CLIP4: variants seen among roughly 807,000 people sequenced by gnomAD.
The protein encoded by CLIP4 is CAP-Gly domain-containing linker protein 4.
A neutral mutation model predicts 73.1 loss-of-function variants in CLIP4; 47 were observed. The ratio of observed to expected loss-of-function variants is 0.64; its 90% CI spans 0.51 to 0.82. The LOEUF (loss-of-function observed/expected upper bound fraction) is 0.82. Among genes scored for constraint, CLIP4 ranks in the 40% least tolerant of loss-of-function variants. CLIP4 has a pLI of 0.00. For synonymous variants in CLIP4, 306 were observed against 295.4 expected (o/e 1.04, Z -0.37); for missense variants, 874 against 852.9 (o/e 1.02, Z -0.31).
chr2:29,168,165 C>A (rs1189981676), intron 14 of CLIP4, among the ~76,000 whole-genome samples: 1 of 152,188 alleles, frequency 6.6e-6, no homozygotes, highest in East Asian at 1.9e-4. Context: ...CTTTGCCTAT[C>A]TGAAGGGCTT....
chr2:29,140,569 A>G (rs1203256136), intron 6 of CLIP4, among the ~76,000 whole-genome samples: 1 of 152,150 alleles, frequency 6.6e-6, no homozygotes, highest in African/African-American at 2.4e-5. Context: ...TAGCAGCATG[A>G]TTTATAGTCC....
chr2:29,162,105 A>G (rs998757438), intron 12 of CLIP4, among the ~76,000 whole-genome samples: 5 of 152,146 alleles, frequency 3.3e-5, no homozygotes, highest in African/African-American at 7.2e-5. Flanking sequence ...TACAATTACT[A>G]TTTGTCTTTT....
Position 29,143,872 on chromosome 2 carries a change from A to G in CLIP4, c.812A>G (p.His271Arg), listed in dbSNP as rs755905179. Residue 271 changes from histidine (H) to arginine (R), a missense_variant, in exon 7 of 16, where the codon CAT becomes CGT. His to Arg is a conservative substitution (Grantham distance 29). Transcript: ENST00000320081. The part of the protein sequence containing the change: ...ISKAMLPNYD[H>R]VTGKAMLTSL... Reference sequence around the variant, plus strand: ...AAGGCCATGCTCCCAAATTATGATCATGTCACTGGCAAGGCAATGCTTACG... The same window carrying G: ...AAGGCCATGCTCCCAAATTATGATCGTGTCACTGGCAAGGCAATGCTTACG... 1.8e-5 allele frequency: 29 copies of G among 1,614,022 alleles called. No individual in the cohort carries two copies. The highest frequency in any genetic ancestry group is 3.3e-5 in the Admixed American group (2 of 60,000).
Position 29,182,138 on chromosome 2 carries a change from C to T in CLIP4, c.*245C>T, listed in dbSNP as rs1366665613. ...TAAAGCTTTAGGTTCCAAGAAGATTCTGGGACTCAGGAAGAAAAAGTGCCA... is the reference window on the plus strand; with the variant it reads ...TAAAGCTTTAGGTTCCAAGAAGATTTTGGGACTCAGGAAGAAAAAGTGCCA... On this transcript the variant is annotated 3_prime_UTR_variant, in exon 16 of 16. Transcript: ENST00000320081. 3.3e-6 allele frequency: 1 copy of T among 304,944 alleles called. No homozygotes were observed. The highest frequency in any genetic ancestry group is 6.0e-6 in the Non-Finnish European group (1 of 167,818). The allele number at this position is 304,944 out of a possible 1,614,324, so 18.9% of individuals were successfully genotyped here.
chr2:29,131,133 C>T (rs1664940207), intron 2 of CLIP4, 125 bp from the exon 3 acceptor site: 3 of 956,820 alleles, frequency 3.1e-6, no homozygotes, highest in Non-Finnish European at 4.5e-6. Flanking sequence ...TATTTAGATA[C>T]TTCTGATTTT....
intron 12 of CLIP4, among the ~76,000 whole-genome samples, chr2:29,161,004 C>T (rs935192626): frequency 7.3e-5 from 11 of 151,544 alleles, no homozygotes; most frequent in Non-Finnish European, 1.5e-4. Context: ...GACGGAGCTT[C>T]GCTCTTGTTG....
In CLIP4 at chr2:29,115,502, C is replaced by G. The variant is rs1230484387; in HGVS notation, c.-179C>G. On this transcript the variant is annotated 5_prime_UTR_variant, in exon 1 of 16. Coordinates refer to ENST00000320081, the MANE Select transcript of CLIP4 (RefSeq NM_024692.6). The surrounding 1 kb of genome is among the most constrained non-coding windows in gnomAD (Gnocchi z 5.1). ...GCCTGCACTGCGCGCGCGCCCACCC[C>G]GCGTGGGAGGCAGCGGGAGGGGCCC... 2 of 148,206 alleles carry G rather than the reference C, an allele frequency of 1.3e-5. No homozygotes were observed. The highest frequency in any genetic ancestry group is 3.0e-5 in the Non-Finnish European group (2 of 66,464). 9.2% of individuals were successfully genotyped at this position (148,206 alleles called of 1,614,324 possible).
chr2:29,174,589 A>C, intron 15 of CLIP4, 144 bp downstream of exon 15: 1 of 1,382,400 alleles, frequency 7.2e-7, no homozygotes, highest in Non-Finnish European at 9.3e-7. Flanking sequence ...AAGTGTATTG[A>C]GAAGCGTTCT....
At chr2:29,156,238 A>G (rs1170647506) in intron 9 of CLIP4, 116 bp from the exon 10 acceptor site, 5 of 645,502 alleles carry the variant, frequency 7.7e-6, no homozygotes, top group African/African-American at 1.9e-5. Context: ...TTGTTATCCA[A>G]TATGTTTTCA....
intron 2 of CLIP4, among the ~76,000 whole-genome samples, chr2:29,122,245 T>G (rs1441606243): frequency 2.6e-5 from 4 of 151,850 alleles, no homozygotes; most frequent in African/African-American, 9.7e-5. Context: ...AGTTTCTTTT[T>G]TTTTTTTTTT....
chr2:29,181,546 T>G, intron 15 of CLIP4, 26 bp from the exon 16 acceptor site: 2 of 1,528,868 alleles, frequency 1.3e-6, no homozygotes, highest in Admixed American at 2.1e-5. Context: ...ACTAAATAAT[T>G]TTTCCCACTT....
At chr2:29,112,103 C>T (rs1011422621), upstream of CLIP4, among the ~76,000 whole-genome samples, 4 of 152,178 alleles carry the variant, frequency 2.6e-5, no homozygotes, top group African/African-American at 9.7e-5. Flanking sequence ...CTCCTGAGTT[C>T]TTCATTCTGT....
Position 29,182,116 on chromosome 2 carries a change from A to G in CLIP4, c.*223A>G. ...AATTTTCAAAATAAGTACCAATTAAAGCTTTAGGTTCCAAGAAGATTCTGG... is the reference window on the plus strand; with the variant it reads ...AATTTTCAAAATAAGTACCAATTAAGGCTTTAGGTTCCAAGAAGATTCTGG... On this transcript the variant is annotated 3_prime_UTR_variant, in exon 16 of 16. Transcript: ENST00000320081. 2.8e-6 allele frequency: 1 copy of G among 354,574 alleles called. No individual in the cohort carries two copies. Among genetic ancestry groups the G allele is most frequent in the Non-Finnish European group, 5.0e-6 (1 of 200,022 alleles). The allele number at this position is 354,574 out of a possible 1,614,324, so 22.0% of individuals were successfully genotyped here. A position where few individuals can be genotyped will look rare whatever the true frequency, so the allele number is the denominator to read the frequency against.
chr2:29,119,303 T>G (rs193070585), intron 1 of CLIP4, among the ~76,000 whole-genome samples: 19 of 152,324 alleles, frequency 1.2e-4, no homozygotes, highest in African/African-American at 4.1e-4. Flanking sequence ...GCTCCTGTGG[T>G]GACTGCTAGT....
rs762590104 is a variant in CLIP4, at chr2:29,153,710, C to T, written c.1165+882C>T. Among the ~76,000 whole-genome samples the T allele has an allele frequency of 1.1e-4, 17 of 152,302 alleles. No homozygotes were observed. In the South Asian group the frequency reaches 3.1e-3, roughly 28 times the overall value. On this transcript the variant is annotated intron_variant, in intron 9 of 15. Coordinates refer to ENST00000320081, the MANE Select transcript of CLIP4 (RefSeq NM_024692.6). ...TTGTAAATAGTTGAGGTAGAAAGCT[C>T]TCTACCAGGATGAAAGGAATTTGTC...
intron 12 of CLIP4, among the ~76,000 whole-genome samples, chr2:29,163,360 CCTT>C (rs776865001): frequency 6.6e-6 from 1 of 151,912 alleles, no homozygotes; most frequent in Middle Eastern, 3.4e-3. Context: ...ATATTTTTGT[CCTT>C]CTTTAATTAT....
intron 5 of CLIP4, 65 bp downstream of exon 5, chr2:29,133,881 A>C (rs1438575377): frequency 7.4e-7 from 1 of 1,351,334 alleles, no homozygotes; most frequent in African/African-American, 1.5e-5. Flanking sequence ...CATAAAAATT[A>C]TAATTCAAGG....
intron 1 of CLIP4, among the ~76,000 whole-genome samples, chr2:29,116,641 A>G (rs1211421172): frequency 7.9e-5 from 12 of 152,202 alleles, no homozygotes; most frequent in Admixed American, 7.9e-4. Flanking sequence ...GCTGGAGTCT[A>G]GTTGGTCTGC....
At chr2:29,159,079 C>T (rs552968616) in intron 11 of CLIP4, among the ~76,000 whole-genome samples, 212 of 152,254 alleles carry the variant, frequency 1.4e-3, no homozygotes, top group African/African-American at 4.6e-3. Context: ...TTAGTTAATT[C>T]CTGAGTTTGT....
Sources: gnomAD v4.1 joint callset for allele counts (sites outside exome capture counted in the v4.1 genomes callset) on GRCh38, gnomAD v4.1.1 for gene constraint, Gnocchi (gnomAD v3.1) non-coding constraint, MANE v1.5 for transcripts, NCBI Gene and HGNC (gene_info 2026-07-23, HGNC 2026-07-21) for gene names.